The following PRUNE2 variants were observed in gnomAD, a reference collection of about 807,000 sequenced individuals.
PRUNE2 encodes the protein prune homolog 2 with BCH domain.
Under a neutral mutation model 252.0 loss-of-function variants are expected in PRUNE2, and 164 were observed. The observed-to-expected ratio is 0.65, with a 90% CI of 0.57 to 0.74. The LOEUF is 0.74. Among genes scored for constraint, PRUNE2 ranks in the 30% least tolerant of loss-of-function variants. The pLI is 0.00. For missense variants in PRUNE2, 3,495 were observed against 3,711.0 expected, an observed-to-expected ratio of 0.94 and a Z score of 1.51; for synonymous variants, 1,292 against 1,350.2, an observed-to-expected ratio of 0.96 and a Z score of 0.94.
chr9:76,803,751 G>A (rs1319759429), intron 6 of PRUNE2, among the ~76,000 whole-genome samples: 1 of 152,136 alleles, frequency 6.6e-6, no homozygotes, highest in Non-Finnish European at 1.5e-5. Context: ...TTGGGTTGGT[G>A]CACAAGGAAG....
At chr9:76,774,287 C>A (rs1288119960) in intron 6 of PRUNE2, among the ~76,000 whole-genome samples, 1 of 151,646 alleles carries the variant, frequency 6.6e-6, no homozygotes, top group Non-Finnish European at 1.5e-5. Context: ...AGGTGTGCAC[C>A]ACCATGCCCA....
At chr9:76,625,049 T>C in intron 16 of PRUNE2, 1 of 1,303,348 alleles carries the variant, frequency 7.7e-7, no homozygotes, top group Non-Finnish European at 1.0e-6. Flanking sequence ...AAGATCTCTC[T>C]TCATCGTACC....
At position 76,850,555 on chromosome 9, in the gene PRUNE2, T is replaced by G. The variant is rs766312321; in HGVS notation, c.252A>C (p.Ser84=). ...TAATTTCATCCCGGAATATGTGGAA[T>G]GATTCGGAAATATTTAGCTCTTCTA... The part of the protein sequence containing the change: ...FILEELNISE[S]FHIFRDEINL... The change falls in exon 3 of 19, where the codon TCA becomes TCC. Residue 84 remains serine (S), a synonymous_variant. Transcript: ENST00000376718. 1 of 1,613,992 alleles carries G rather than the reference T, an allele frequency of 6.2e-7. No homozygotes were observed. Among genetic ancestry groups the G allele is most frequent in the Non-Finnish European group, 8.5e-7 (1 of 1,179,830 alleles).
chr9:76,865,806 TACACACACACACACAC>T (rs34661457), intron 1 of PRUNE2, among the ~76,000 whole-genome samples: 21 of 127,212 alleles, frequency 1.7e-4, no homozygotes, highest in South Asian at 7.7e-4. Context: ...TCTCTCTCCC[TACACACACACACACAC>T]ACACACACAC....
chr9:76,835,228 G>A (rs186746081), intron 4 of PRUNE2, among the ~76,000 whole-genome samples: 2,169 of 152,186 alleles, frequency 0.014, 21 homozygotes, highest in Non-Finnish European at 0.02. Flanking sequence ...ATTGTTTGGG[G>A]AAAACATTCA....
At chr9:76,730,114 T>G (rs2048435389) in intron 6 of PRUNE2, among the ~76,000 whole-genome samples, 1 of 152,170 alleles carries the variant, frequency 6.6e-6, no homozygotes, top group Non-Finnish European at 1.5e-5. Flanking sequence ...TTTAAATAGG[T>G]TTGGAGCAAA....
intron 4 of PRUNE2, among the ~76,000 whole-genome samples, chr9:76,835,574 A>T (rs1488950958): frequency 6.6e-6 from 1 of 152,166 alleles, no homozygotes; most frequent in Non-Finnish European, 1.5e-5. Flanking sequence ...AGGTTGAGGA[A>T]TCATTTTGGT....
rs925500327 is a variant in PRUNE2 at position 76,832,187 on chromosome 9, C to T, written c.509-5455G>A. Among the ~76,000 whole-genome samples, 15 of 152,118 alleles carry T rather than the reference C, an allele frequency of 9.9e-5. No homozygotes were observed. The East Asian group carries it at 2.3e-3, about 23-fold the overall frequency. On this transcript the variant is annotated intron_variant, in intron 4 of 18. Coordinates refer to ENST00000376718, the MANE Select transcript of PRUNE2 (RefSeq NM_015225.3). ...CAGTGGAAAATTTTAACACATCTCTCGCAGCAACTCTAAGAACCAGCAGGA... is the reference window on the plus strand; with the variant it reads ...CAGTGGAAAATTTTAACACATCTCTTGCAGCAACTCTAAGAACCAGCAGGA...
In PRUNE2 at chr9:76,707,283, T is replaced by C; in HGVS notation, c.4991A>G (p.Lys1664Arg). The C allele has an allele frequency of 6.2e-7, 1 of 1,614,000 alleles. No homozygotes were observed. The highest frequency in any genetic ancestry group is 8.5e-7 in the Non-Finnish European group (1 of 1,179,884). Residue 1664 changes from lysine (K) to arginine (R), a missense_variant, in exon 8 of 19, where the codon AAA (lysine) becomes AGA (arginine). By Grantham distance (26) the Lys-to-Arg change is conservative (BLOSUM62 2). Coordinates refer to ENST00000376718, the MANE Select transcript of PRUNE2 (RefSeq NM_015225.3). ...AGTTGCAGAAATGTCATGTTCATTTTTCTCCTGGTAGCTAGCAATTAGATT... is the reference window on the plus strand; with the variant it reads ...AGTTGCAGAAATGTCATGTTCATTTCTCTCCTGGTAGCTAGCAATTAGATT... The part of the protein sequence containing the change: ...ESNLIASYQE[K>R]NEHDISATVQ...
chr9:76,632,945 G>C (rs1838338952), intron 15 of PRUNE2, among the ~76,000 whole-genome samples: 1 of 152,208 alleles, frequency 6.6e-6, no homozygotes, highest in Non-Finnish European at 1.5e-5. Flanking sequence ...ATGCCGGCTG[G>C]GCGCAGTGTC....
intron 9 of PRUNE2, among the ~76,000 whole-genome samples, chr9:76,694,056 G>A (rs1469808441): frequency 1.3e-5 from 2 of 152,164 alleles, no homozygotes; most frequent in Non-Finnish European, 2.9e-5. Context: ...GGCTGAAAAT[G>A]GGGATCTTGT....
rs1330437124 is a variant in PRUNE2, at chr9:76,709,174, C to A, written c.3100G>T (p.Ala1034Ser). ...GAACTGTTATCTGTATGAGGTGAAG[C>A]CCACATGTCTAGGTTCCCAGGACCT... Reference protein sequence around the residue: ...SSGPGNLDMWASPHTDNSSEI... With the variant: ...SSGPGNLDMWSSPHTDNSSEI... Residue 1034 changes from alanine (A) to serine (S), a missense_variant, in exon 8 of 19, where the codon GCT (alanine) becomes TCT (serine). Transcript: ENST00000376718. The A allele has an allele frequency of 6.2e-7, 1 of 1,613,722 alleles. No homozygotes were observed. The highest frequency in any genetic ancestry group is 1.3e-5 in the African/African-American group (1 of 74,876).
intron 17 of PRUNE2, 60 bp downstream of exon 17, chr9:76,624,392 A>T: frequency 8.1e-7 from 1 of 1,228,674 alleles, no homozygotes; most frequent in Non-Finnish European, 1.1e-6. Context: ...GATTTTCCCA[A>T]TTCAGTTCTG....
chr9:76,850,194 T>C (rs1248120544), intron 3 of PRUNE2, among the ~76,000 whole-genome samples: 1 of 152,076 alleles, frequency 6.6e-6, no homozygotes, highest in East Asian at 1.9e-4. Context: ...ATTACAGGCA[T>C]GCACCACCAC....
chr9:76,630,556 GCT>G (rs1290504293), intron 15 of PRUNE2, among the ~76,000 whole-genome samples: 1 of 152,100 alleles, frequency 6.6e-6, no homozygotes, highest in Non-Finnish European at 1.5e-5. Flanking sequence ...ACAGAGTCTC[GCT>G]CTGTCGCCCA....
At position 76,706,038 on chromosome 9, in the gene PRUNE2, C is replaced by G. The variant is rs2046289613; in HGVS notation, c.6236G>C (p.Ser2079Thr). 6.2e-7 allele frequency: 1 copy of G among 1,613,930 alleles called. No homozygotes were observed. Among genetic ancestry groups the G allele is most frequent in the African/African-American group, 1.3e-5 (1 of 74,952 alleles). The change falls in exon 8 of 19, where the codon AGT becomes ACT. Residue 2079 changes from serine (S) to threonine (T), a missense_variant. Transcript: ENST00000376718. Reference protein sequence around the residue: ...DLWIDAKKPFSLKADGENPDI... With the variant: ...DLWIDAKKPFTLKADGENPDI... ...AGGATTCTCACCATCTGCTTTCAAACTGAAGGGCTTCTTAGCATCTATCCA... is the reference window on the plus strand; with the variant it reads ...AGGATTCTCACCATCTGCTTTCAAAGTGAAGGGCTTCTTAGCATCTATCCA...
chr9:76,614,688 T>C (rs942578515), intron 18 of PRUNE2, 88 bp from the exon 19 acceptor site: 2 of 1,010,972 alleles, frequency 2.0e-6, no homozygotes, highest in African/African-American at 1.6e-5. Flanking sequence ...GTTTGCTTTT[T>C]TCCTCAAAGG....
intron 1 of PRUNE2, among the ~76,000 whole-genome samples, chr9:76,859,686 C>CTTGT (rs35532918): frequency 0.044 from 6,648 of 150,352 alleles, 161 homozygotes; most frequent in East Asian, 0.082. Context: ...GGCTAGGGTG[C>CTTGT]TTGTTTGTTT....
intron 6 of PRUNE2, among the ~76,000 whole-genome samples, chr9:76,818,462 G>A (rs1340444222): frequency 6.6e-6 from 1 of 152,142 alleles, no homozygotes; most frequent in Non-Finnish European, 1.5e-5. Flanking sequence ...AGTACTCCAA[G>A]GTGCAGTATG....
Sources: allele counts gnomAD v4.1 joint callset (sites outside exome capture counted in the v4.1 genomes callset), GRCh38; gene constraint gnomAD v4.1.1; transcripts MANE v1.5; gene names NCBI Gene and HGNC (gene_info 2026-07-23, HGNC 2026-07-21).